ABCB1: variants seen among roughly 807,000 people sequenced by gnomAD.
ABCB1 encodes ATP binding cassette subfamily B member 1, also known as ATP-dependent translocase ABCB1.
A neutral mutation model predicts 142.0 loss-of-function variants in ABCB1; 69 were observed. The ratio of observed to expected loss-of-function variants is 0.49; its 90% CI spans 0.40 to 0.59. The LOEUF (loss-of-function observed/expected upper bound fraction) is 0.59, where lower values mean the gene tolerates loss of function less well. Ranked by LOEUF, ABCB1 falls within the 20% of genes least tolerant of loss-of-function variation. The pLI, the probability that ABCB1 is intolerant of heterozygous loss-of-function variation, is 0.00. For missense variants in ABCB1, 1,326 were observed against 1,554.7 expected, an observed-to-expected ratio of 0.85 and a Z score of 2.47; for synonymous variants, 532 against 539.2, an observed-to-expected ratio of 0.99 and a Z score of 0.18.
chr7:87,608,299 T>C (rs1819730644), intron 1 of ABCB1, among the ~76,000 whole-genome samples: 1 of 152,234 alleles, frequency 6.6e-6, no homozygotes, highest in Non-Finnish European at 1.5e-5. Flanking sequence ...ATCAGCTTAG[T>C]ACCTGGATGT....
chr7:87,657,167 A>C (rs1169836923), intron 1 of ABCB1, among the ~76,000 whole-genome samples: 2 of 152,200 alleles, frequency 1.3e-5, no homozygotes, highest in East Asian at 3.9e-4. Flanking sequence ...GGTTAAGGAC[A>C]CTAGAACCTT....
rs1584882616 is a variant in ABCB1, at chr7:87,562,333, T to C, written c.703-946A>G. 6.6e-6 allele frequency among the ~76,000 whole-genome samples: 1 copy of C among 152,228 alleles called. No homozygotes were observed. Among genetic ancestry groups the C allele is most frequent in the East Asian group, 1.9e-4 (1 of 5,202 alleles). ...ATTCCATTGATTCACTAGACATTCC[T>C]GACTTCTCAAAGCAATCTTCCTGGG... On this transcript the variant is annotated intron_variant, in intron 7 of 27. Transcript: ENST00000622132.
intron 7 of ABCB1, chr7:87,563,415 G>A (rs11975994): frequency 0.56 from 252,578 of 452,310 alleles, 73,716 homozygotes; most frequent in African/African-American, 0.8. Flanking sequence ...AATATCCTCA[G>A]CAAAATCCTG....
chr7:87,600,730 A>T (rs1819420305), intron 1 of ABCB1, 25 bp downstream of exon 1: 1 of 154,046 alleles, frequency 6.5e-6, no homozygotes, highest in African/African-American at 2.4e-5. Flanking sequence ...GTCCCATAGT[A>T]GCTCCCAGCT....
At chr7:87,562,243 T>C (rs1163847931) in intron 7 of ABCB1, among the ~76,000 whole-genome samples, 4 of 152,198 alleles carry the variant, frequency 2.6e-5, no homozygotes, top group African/African-American at 4.8e-5. Flanking sequence ...TGAACATTGA[T>C]TAGTTATGTT....
intron 1 of ABCB1, among the ~76,000 whole-genome samples, chr7:87,712,641 A>G (rs1199051935): frequency 6.6e-6 from 1 of 152,094 alleles, no homozygotes; most frequent in Non-Finnish European, 1.5e-5. Flanking sequence ...TAGAACAAGT[A>G]GTTTAAATAT....
At chr7:87,659,551 C>A (rs949589444) in intron 1 of ABCB1, among the ~76,000 whole-genome samples, 1 of 152,024 alleles carries the variant, frequency 6.6e-6, no homozygotes, top group Non-Finnish European at 1.5e-5. Flanking sequence ...CCACATTAGA[C>A]AGTGTTATAA....
At chr7:87,586,169 T>C (rs1015464802) in intron 3 of ABCB1, among the ~76,000 whole-genome samples, 3 of 152,108 alleles carry the variant, frequency 2.0e-5, no homozygotes, top group South Asian at 2.1e-4. Context: ...GATTTGAAGA[T>C]AATTAGGCCT....
chr7:87,530,871 AAG>A (rs200858586), intron 21 of ABCB1, among the ~76,000 whole-genome samples: 1 of 151,144 alleles, frequency 6.6e-6, no homozygotes, highest in African/African-American at 2.4e-5. Flanking sequence ...GAAAGAAAGA[AAG>A]AAAAGAAAGA....
chr7:87,632,281 A>G (rs568786672), intron 1 of ABCB1, among the ~76,000 whole-genome samples: 6 of 152,154 alleles, frequency 3.9e-5, no homozygotes, highest in Non-Finnish European at 8.8e-5. Flanking sequence ...TTCAAGTGCA[A>G]TATATAGTTT....
chr7:87,506,212 C>A, intron 26 of ABCB1, 169 bp from the exon 27 acceptor site: 1 of 648,014 alleles, frequency 1.5e-6, no homozygotes, highest in South Asian at 2.0e-5. Flanking sequence ...CCCAAAATGG[C>A]AGGTTTACTA....
intron 3 of ABCB1, 34 bp downstream of exon 3, chr7:87,595,732 A>C (rs367711918): frequency 1.3e-6 from 2 of 1,527,054 alleles, no homozygotes; most frequent in African/African-American, 2.7e-5. Flanking sequence ...AAATTTCCGA[A>C]GTATTTTGAA....
intron 1 of ABCB1, among the ~76,000 whole-genome samples, chr7:87,705,976 T>C (rs1016739328): frequency 3.3e-5 from 5 of 152,214 alleles, no homozygotes; most frequent in Non-Finnish European, 7.4e-5. Context: ...CCTGAGTTCT[T>C]CCTGTCTTCT....
Position 87,535,890 on chromosome 7 carries a change from CA to C in ABCB1, c.2481+567del, listed in dbSNP as rs975319577. ...TTGTAGAAGAAATTGTCACTTCAGCCAAAAATCAAAACCTGCTGGTTCAATA... is the reference window on the plus strand; with the variant it reads ...TTGTAGAAGAAATTGTCACTTCAGCCAAAATCAAAACCTGCTGGTTCAATA... On this transcript the variant is annotated intron_variant, in intron 20 of 27. Transcript: ENST00000622132. Among the ~76,000 whole-genome samples, 8 of 151,964 alleles carry C rather than the reference CA, an allele frequency of 5.3e-5. 1 individual carries two copies. Among genetic ancestry groups the C allele is most frequent in the Admixed American group, 5.2e-4 (8 of 15,254 alleles).
chr7:87,704,733 G>A (rs1284247706), intron 1 of ABCB1, among the ~76,000 whole-genome samples: 1 of 152,206 alleles, frequency 6.6e-6, no homozygotes, highest in Non-Finnish European at 1.5e-5. Context: ...CCATTTAGTG[G>A]GGAAAGAGAA....
chr7:87,566,330 A>G, intron 6 of ABCB1, 89 bp from the exon 7 acceptor site: 2 of 1,307,828 alleles, frequency 1.5e-6, no homozygotes, highest in Non-Finnish European at 2.2e-6. Flanking sequence ...AGGGTAGTTT[A>G]TGGCTAGAGT....
intron 1 of ABCB1, among the ~76,000 whole-genome samples, chr7:87,663,935 G>T (rs1824966158): frequency 6.6e-6 from 1 of 152,078 alleles, no homozygotes; most frequent in South Asian, 2.1e-4. Flanking sequence ...CTGGATGAAG[G>T]CCCCACCCTT....
intron 1 of ABCB1, among the ~76,000 whole-genome samples, chr7:87,687,428 G>C (rs1180262794): frequency 6.6e-6 from 1 of 151,948 alleles, no homozygotes; most frequent in African/African-American, 2.4e-5. Flanking sequence ...AAGCACTCCT[G>C]ACCTCTTTCC....
chr7:87,697,386 TCTGGCAG>T, intron 1 of ABCB1, among the ~76,000 whole-genome samples: 1 of 152,208 alleles, frequency 6.6e-6, no homozygotes. Flanking sequence ...TTGAGGGAAG[TCTGGCAG>T]CTGTAGCTCT....
Sources: gnomAD v4.1 joint callset for allele counts (sites outside exome capture counted in the v4.1 genomes callset) on GRCh38, gnomAD v4.1.1 for gene constraint, MANE v1.5 for transcripts, NCBI Gene and HGNC (gene_info 2026-07-23, HGNC 2026-07-21) for gene names.